Variants in FRMPD4 observed in about 807,000 individuals in gnomAD.
FRMPD4 encodes the protein FERM and PDZ domain-containing protein 4.
Under a neutral mutation model 94.1 loss-of-function variants are expected in FRMPD4, and 22 were observed. The ratio of observed to expected loss-of-function variants is 0.23; its 90% CI spans 0.17 to 0.33. The LOEUF is 0.33. Among genes scored for constraint, FRMPD4 ranks in the 10% least tolerant of loss-of-function variants. FRMPD4 has a pLI of 1.00. For missense variants in FRMPD4, 1,111 were observed against 1,339.9 expected, an observed-to-expected ratio of 0.83 and a Z score of 2.67; for synonymous variants, 631 against 548.6, an observed-to-expected ratio of 1.15 and a Z score of -2.10.
intron 3 of FRMPD4, among the ~76,000 whole-genome samples, chrX:11,895,219 G>C (rs1358958475): frequency 8.9e-6 from 1 of 111,821 alleles, no homozygotes; most frequent in Non-Finnish European, 1.9e-5. Context: ...ATCTTTAGCA[G>C]CATCCCTGGC....
chrX:11,980,694 AG>A (rs2054392747), intron 3 of FRMPD4, among the ~76,000 whole-genome samples: 2 of 111,957 alleles, frequency 1.8e-5, no homozygotes, highest in Non-Finnish European at 3.8e-5. Context: ...CAACTAGATG[AG>A]TTTTCACAAA....
chrX:12,521,179 G>A (rs147543192), intron 2 of FRMPD4, among the ~76,000 whole-genome samples: 2,440 of 112,330 alleles, frequency 0.022, 31 homozygotes, highest in Non-Finnish European at 0.035. Context: ...ATAGGTGGCT[G>A]ATAGGATTTG....
At chrX:12,326,961 C>CA (rs199972983) in intron 1 of FRMPD4, among the ~76,000 whole-genome samples, 3 of 108,955 alleles carry the variant, frequency 2.8e-5, no homozygotes, top group Non-Finnish European at 5.7e-5. Flanking sequence ...GACCCTGCAT[C>CA]AAAAAAAAAT....
Position 12,355,096 on chromosome X carries a change from G to A in FRMPD4, c.42-143584G>A, listed in dbSNP as rs2055874204. 3.6e-5 allele frequency among the ~76,000 whole-genome samples: 4 copies of A among 111,720 alleles called. No individual in the cohort carries two copies. In the South Asian group the frequency reaches 1.5e-3, roughly 42 times the overall value. ...GTAATGGGATGGTTTTTCCTTCCTG[G>A]TATTTCAGTATCTACTTAGCACATT... is the stretch of plus-strand genomic sequence containing the variant. On this transcript the variant is annotated intron_variant, in intron 1 of 16. Coordinates refer to ENST00000675598, the MANE Select transcript of FRMPD4 (RefSeq NM_001368397.1).
At chrX:12,245,945 G>T (rs1382843269) in intron 1 of FRMPD4, among the ~76,000 whole-genome samples, 1 of 106,279 alleles carries the variant, frequency 9.4e-6, no homozygotes, top group Non-Finnish European at 1.9e-5. Context: ...CCCAGTCTGT[G>T]GCATTTCTGT....
intron 3 of FRMPD4, among the ~76,000 whole-genome samples, chrX:12,081,179 G>A (rs915057601): frequency 7.2e-5 from 8 of 111,599 alleles, no homozygotes; most frequent in Non-Finnish European, 1.1e-4. Context: ...GATAATAAGC[G>A]TTCCTTTGTT....
intron 3 of FRMPD4, among the ~76,000 whole-genome samples, chrX:11,973,695 C>G (rs995912926): frequency 8.9e-6 from 1 of 111,752 alleles, no homozygotes; most frequent in Non-Finnish European, 1.9e-5. Flanking sequence ...GTATTCTTCT[C>G]CTTTGTTACT....
chrX:12,388,789 A>G (rs1476629464), intron 1 of FRMPD4, among the ~76,000 whole-genome samples: 3 of 94,881 alleles, frequency 3.2e-5, no homozygotes, highest in African/African-American at 1.2e-4. Context: ...CTATGTGTCC[A>G]TCAACGGATG....
chrX:11,881,693 A>T (rs1230885211), intron 3 of FRMPD4, among the ~76,000 whole-genome samples: 1 of 111,938 alleles, frequency 8.9e-6, no homozygotes, highest in African/African-American at 3.3e-5. Flanking sequence ...CTGTATCTTG[A>T]TTGTAGTCAT....
intron 3 of FRMPD4, among the ~76,000 whole-genome samples, chrX:12,019,352 A>C (rs1477582441): frequency 9.2e-6 from 1 of 109,052 alleles, no homozygotes; most frequent in African/African-American, 3.3e-5. Context: ...CAGGTTCCTA[A>C]TTGTCTCCGG....
Position 12,189,578 on chromosome X carries a change from T to C in FRMPD4, c.41+50566T>C, listed in dbSNP as rs112568462. On this transcript the variant is annotated intron_variant, in intron 1 of 16. Coordinates refer to ENST00000675598, the MANE Select transcript of FRMPD4 (RefSeq NM_001368397.1). ...AATTTTACACCACAACCAAGTAGGA[T>C]TTATCCCAGATATGCAAGTCTGGTT... is the stretch of plus-strand genomic sequence containing the variant. Among the ~76,000 whole-genome samples, 829 of 112,106 alleles carry C rather than the reference T, an allele frequency of 7.4e-3. 2 individuals are homozygous for C. Among genetic ancestry groups the C allele is most frequent in the Non-Finnish European group, 0.013 (675 of 53,046 alleles).
chrX:12,038,532 A>G (rs1041553478), intron 3 of FRMPD4, among the ~76,000 whole-genome samples: 6 of 111,977 alleles, frequency 5.4e-5, no homozygotes, highest in African/African-American at 1.9e-4. Context: ...AATTTGATGA[A>G]GTCCAAATTA....
chrX:12,063,730 G>C (rs1324094567), intron 3 of FRMPD4, among the ~76,000 whole-genome samples: 2 of 112,453 alleles, frequency 1.8e-5, no homozygotes, highest in Non-Finnish European at 3.8e-5. Context: ...TCCAACCTGG[G>C]TGACAGAGCA....
intron 2 of FRMPD4, among the ~76,000 whole-genome samples, chrX:12,558,360 AAAAAG>A (rs1354585267): frequency 2.7e-5 from 3 of 113,021 alleles, no homozygotes; most frequent in East Asian, 5.5e-4. Context: ...TGATAAAAAG[AAAAAG>A]AAAAGAAAAT....
At position 12,088,504 on chromosome X, in the gene FRMPD4, A is replaced by G. The variant is rs762220900; in HGVS notation, c.95+210486A>G. Reference sequence around the variant, plus strand: ...ACCAGCAACTTGACTTCTAGGGTCTATTTTCTTGCCTGTAAAATGAAGTCC... The same window carrying G: ...ACCAGCAACTTGACTTCTAGGGTCTGTTTTCTTGCCTGTAAAATGAAGTCC... On this transcript the variant is annotated intron_variant, in intron 3 of 18. Coordinates refer to the FRMPD4 transcript ENST00000640291. 2.7e-5 allele frequency among the ~76,000 whole-genome samples: 3 copies of G among 111,764 alleles called. No individual in the cohort carries two copies. In the East Asian group the frequency reaches 8.5e-4, roughly 31 times the overall value.
intron 1 of FRMPD4, among the ~76,000 whole-genome samples, chrX:12,180,329 G>A (rs750882867): frequency 6.4e-4 from 71 of 111,644 alleles, no homozygotes; most frequent in African/African-American, 2.3e-3. Context: ...GTTATATCAG[G>A]GACAACTCTT....
At chrX:11,836,246 G>C (rs1176972375) in intron 1 of FRMPD4, among the ~76,000 whole-genome samples, 1 of 111,565 alleles carries the variant, frequency 9.0e-6, no homozygotes, top group Non-Finnish European at 1.9e-5. Flanking sequence ...GGGTGGTGTT[G>C]GGACCTCTGC....
At chrX:12,551,308 C>T (rs1249000507) in intron 2 of FRMPD4, among the ~76,000 whole-genome samples, 1 of 110,756 alleles carries the variant, frequency 9.0e-6, no homozygotes, top group East Asian at 2.8e-4. Flanking sequence ...ACCTATACTA[C>T]TTGACACAAA....
At chrX:12,401,969 G>GT (rs1422497233) in intron 1 of FRMPD4, among the ~76,000 whole-genome samples, 1 of 111,462 alleles carries the variant, frequency 9.0e-6, no homozygotes, top group Non-Finnish European at 1.9e-5. Flanking sequence ...TGGAGGATGA[G>GT]TTTTTTGGGG....
Sources: allele counts gnomAD v4.1 joint callset (sites outside exome capture counted in the v4.1 genomes callset), GRCh38; gene constraint gnomAD v4.1.1; transcripts MANE v1.5; gene names NCBI Gene and HGNC (gene_info 2026-07-23, HGNC 2026-07-21).